The following PDE3A variants were observed in gnomAD, a reference collection of about 807,000 sequenced individuals.
PDE3A encodes phosphodiesterase 3A.
A neutral mutation model predicts 98.3 loss-of-function variants in PDE3A; 43 were observed. The observed-to-expected ratio is 0.44, with a 90% CI of 0.34 to 0.56. The LOEUF is 0.56. Among genes scored for constraint, PDE3A ranks in the 20% least tolerant of loss-of-function variants. The probability of loss-of-function intolerance (pLI) is 0.01; values close to 1 mark genes in which losing one functional copy is unlikely to be tolerated. For synonymous variants in PDE3A, 663 were observed against 567.9 expected (o/e 1.17, Z -2.38); for missense variants, 1,427 against 1,440.7 (o/e 0.99, Z 0.15).
At chr12:20,446,997 G>T (rs1944968061) in intron 1 of PDE3A, among the ~76,000 whole-genome samples, 1 of 152,212 alleles carries the variant, frequency 6.6e-6, no homozygotes, top group Non-Finnish European at 1.5e-5. Flanking sequence ...CCTGAAGGCA[G>T]CAGTGAGAAA....
intron 1 of PDE3A, among the ~76,000 whole-genome samples, chr12:20,485,380 T>A (rs543546933): frequency 2.0e-4 from 30 of 152,288 alleles, no homozygotes; most frequent in African/African-American, 7.0e-4. Flanking sequence ...TCATCAGCAA[T>A]GACCCTATTT....
intron 1 of PDE3A, among the ~76,000 whole-genome samples, chr12:20,488,461 G>T (rs766415006): frequency 2.6e-5 from 4 of 151,968 alleles, no homozygotes; most frequent in Non-Finnish European, 5.9e-5. Flanking sequence ...CTTTGTTTTG[G>T]TTTTCATGAG....
At chr12:20,668,861 C>T (rs1372315394) in intron 15 of PDE3A, among the ~76,000 whole-genome samples, 10 of 151,732 alleles carry the variant, frequency 6.6e-5, no homozygotes, top group South Asian at 2.1e-4. Flanking sequence ...ATGACTTTGA[C>T]GAGCTGAGAG....
rs898979690 is a variant in PDE3A at position 20,630,224 on chromosome 12, T to G, written c.1760+97T>G. On this transcript the variant is annotated intron_variant, in intron 6 of 15. Coordinates refer to ENST00000359062, the MANE Select transcript of PDE3A (RefSeq NM_000921.5). Reference sequence around the variant, plus strand: ...CAGCCCACGCAGCTTGGGGTAGGTTTGCCAAAGTATTAGACAACCAAGTAT... The same window carrying G: ...CAGCCCACGCAGCTTGGGGTAGGTTGGCCAAAGTATTAGACAACCAAGTAT... 8 of 816,898 alleles carry G rather than the reference T, an allele frequency of 9.8e-6. No homozygotes were observed. The African/African-American group carries it at 1.2e-4, about 12-fold the overall frequency. The allele number at this position is 816,898 out of a possible 1,614,324, so 50.6% of individuals were successfully genotyped here.
chr12:20,670,274 C>T (rs1283464144), intron 15 of PDE3A, among the ~76,000 whole-genome samples: 1 of 147,700 alleles, frequency 6.8e-6, no homozygotes, highest in Admixed American at 6.7e-5. Context: ...CCACTGTCAA[C>T]ATTAGACAGA....
chr12:20,588,482 C>T (rs1026261575), intron 2 of PDE3A, among the ~76,000 whole-genome samples: 1 of 152,166 alleles, frequency 6.6e-6, no homozygotes, highest in Non-Finnish European at 1.5e-5. Flanking sequence ...TCCAGAAGGA[C>T]TTTTCATGGA....
At position 20,653,454 on chromosome 12, in the gene PDE3A, C is replaced by G. The variant is rs556466709; in HGVS notation, c.2926-493C>G. ...CTCAGCTCACCGCAACCTCCGCCTC[C>G]TGGGTTCAAGTGATTCTCCTGCCTC... On this transcript the variant is annotated intron_variant, in intron 14 of 15. Transcript: ENST00000359062. 3.9e-5 allele frequency among the ~76,000 whole-genome samples: 6 copies of G among 152,194 alleles called. No homozygotes were observed. In the East Asian group the frequency reaches 1.2e-3, roughly 29 times the overall value.
chr12:20,587,003 G>T (rs1036564450), intron 2 of PDE3A, among the ~76,000 whole-genome samples: 1 of 152,080 alleles, frequency 6.6e-6, no homozygotes, highest in African/African-American at 2.4e-5. Flanking sequence ...TCATTTGCAG[G>T]AACAGGCTAG....
At chr12:20,526,454 T>G (rs1352793421) in intron 1 of PDE3A, among the ~76,000 whole-genome samples, 1 of 152,166 alleles carries the variant, frequency 6.6e-6, no homozygotes, top group Non-Finnish European at 1.5e-5. Context: ...TAAATCAAAT[T>G]TTTTTAAAAA....
chr12:20,440,658 G>A (rs1944855992), intron 1 of PDE3A, among the ~76,000 whole-genome samples: 1 of 152,154 alleles, frequency 6.6e-6, no homozygotes, highest in Non-Finnish European at 1.5e-5. Flanking sequence ...GGTTTACTTG[G>A]TGGTGGAGTC....
intron 10 of PDE3A, among the ~76,000 whole-genome samples, chr12:20,643,931 G>A (rs957198750): frequency 6.6e-6 from 1 of 152,070 alleles, no homozygotes; most frequent in Non-Finnish European, 1.5e-5. Context: ...CTCAAAAGCT[G>A]CAAGTTCACC....
intron 2 of PDE3A, among the ~76,000 whole-genome samples, chr12:20,610,289 T>G (rs1943817223): frequency 6.6e-6 from 1 of 151,946 alleles, no homozygotes; most frequent in African/African-American, 2.4e-5. Flanking sequence ...CATATATGTA[T>G]GGAAAAGTGT....
At chr12:20,676,639 A>C (rs2120468562) in intron 15 of PDE3A, among the ~76,000 whole-genome samples, 1 of 151,654 alleles carries the variant, frequency 6.6e-6, no homozygotes, top group East Asian at 2.0e-4. Context: ...AGCTGGGACT[A>C]CAGGCACACG....
At chr12:20,380,072 C>A (rs909308370) in intron 1 of PDE3A, among the ~76,000 whole-genome samples, 1 of 151,840 alleles carries the variant, frequency 6.6e-6, no homozygotes, top group African/African-American at 2.4e-5. Flanking sequence ...TTCTTCCATT[C>A]CATCCCACAG....
intron 1 of PDE3A, among the ~76,000 whole-genome samples, chr12:20,447,858 G>A (rs577598019): frequency 6.6e-6 from 1 of 152,164 alleles, no homozygotes; most frequent in Non-Finnish European, 1.5e-5. Context: ...CATCTGAAGA[G>A]GGGGGCAGTC....
intron 9 of PDE3A, among the ~76,000 whole-genome samples, chr12:20,637,798 C>T (rs1000564801): frequency 1.3e-5 from 2 of 152,064 alleles, no homozygotes; most frequent in Non-Finnish European, 2.9e-5. Context: ...CAAGGCTTTT[C>T]ACATAAATAA....
At chr12:20,386,049 T>TATATAAATATATATA (rs1249961883) in intron 1 of PDE3A, among the ~76,000 whole-genome samples, 1 of 49,266 alleles carries the variant, frequency 2.0e-5, no homozygotes, top group East Asian at 9.9e-4. Context: ...AAAATATATA[T>TATATAAATATATATA]AAATATATAT....
chr12:20,528,067 G>C (rs1444702315), intron 1 of PDE3A, among the ~76,000 whole-genome samples: 1 of 152,146 alleles, frequency 6.6e-6, no homozygotes, highest in Non-Finnish European at 1.5e-5. Context: ...GGTTTTAAAA[G>C]GATGATTAAA....
At chr12:20,456,394 C>A (rs975158125) in intron 1 of PDE3A, among the ~76,000 whole-genome samples, 1 of 151,996 alleles carries the variant, frequency 6.6e-6, no homozygotes, top group African/African-American at 2.4e-5. Flanking sequence ...TTTAATAAAA[C>A]AAGTATTAGT....
Sources: allele counts gnomAD v4.1 joint callset (sites outside exome capture counted in the v4.1 genomes callset), GRCh38; gene constraint gnomAD v4.1.1; transcripts MANE v1.5; gene names NCBI Gene and HGNC (gene_info 2026-07-23, HGNC 2026-07-21).